The following TAFA2 variants were observed in gnomAD, a reference collection of about 807,000 sequenced individuals.
TAFA2 encodes the protein chemokine-like protein TAFA-2.
A neutral mutation model predicts 18.8 loss-of-function variants in TAFA2; 7 were observed. That is an observed-to-expected ratio of 0.37 (90% confidence interval 0.21 to 0.70). The LOEUF (loss-of-function observed/expected upper bound fraction) is 0.70, where lower values mean the gene tolerates loss of function less well. Ranked by LOEUF, TAFA2 falls within the 30% of genes least tolerant of loss-of-function variation. The probability of loss-of-function intolerance (pLI) is 0.53; values close to 1 mark genes in which losing one functional copy is unlikely to be tolerated. For synonymous variants in TAFA2, 60 were observed against 54.2 expected, an observed-to-expected ratio of 1.11 and a Z score of -0.47; for missense variants, 122 against 158.1, an observed-to-expected ratio of 0.77 and a Z score of 1.23.
chr12:61,775,960 G>A, intron 2 of TAFA2: 1 of 244,496 alleles, frequency 4.1e-6, no homozygotes, highest in East Asian at 1.0e-4. Context: ...GACACCTGAT[G>A]TATGTTTCCT....
At chr12:61,963,078 G>A (rs1197951097) in intron 1 of TAFA2, among the ~76,000 whole-genome samples, 1 of 151,994 alleles carries the variant, frequency 6.6e-6, no homozygotes, top group Admixed American at 6.6e-5. Context: ...TGGCTGCATA[G>A]TATTCCATGG....
chr12:62,031,665 GTA>G (rs1176818536), intron 1 of TAFA2, among the ~76,000 whole-genome samples: 1 of 151,974 alleles, frequency 6.6e-6, no homozygotes, highest in Non-Finnish European at 1.5e-5. Flanking sequence ...ACATTTACCT[GTA>G]TATATATACA....
intron 1 of TAFA2, among the ~76,000 whole-genome samples, chr12:61,968,568 G>A (rs1316703098): frequency 1.3e-5 from 2 of 151,686 alleles, no homozygotes; most frequent in Non-Finnish European, 2.9e-5. Flanking sequence ...ACACATTCAG[G>A]TCTGCTTTGC....
chr12:61,721,921 C>CTCAG (rs1869919388), intron 4 of TAFA2, among the ~76,000 whole-genome samples: 1 of 151,176 alleles, frequency 6.6e-6, no homozygotes, highest in Admixed American at 6.6e-5. Context: ...TGCCATTGCA[C>CTCAG]TCCAGCCTGG....
At chr12:62,125,815 G>C (rs1169876852) in intron 1 of TAFA2, among the ~76,000 whole-genome samples, 4 of 152,010 alleles carry the variant, frequency 2.6e-5, no homozygotes, top group African/African-American at 7.2e-5. Context: ...TAAACTTTTT[G>C]TTTGAGTCTT....
At chr12:62,163,855 T>C (rs1340398177) in intron 1 of TAFA2, among the ~76,000 whole-genome samples, 1 of 152,136 alleles carries the variant, frequency 6.6e-6, no homozygotes. Flanking sequence ...CCATCTGTAT[T>C]AACGTGTAGT....
In TAFA2 at chr12:61,920,748, GA is replaced by G. The variant is rs200002307; in HGVS notation, c.-1-53323del. 7.4e-3 allele frequency among the ~76,000 whole-genome samples: 1,112 copies of G among 149,544 alleles called. 16 individuals are homozygous for G. Among genetic ancestry groups the G allele is most frequent in the African/African-American group, 0.026 (1,054 of 40,824 alleles). On this transcript the variant is annotated intron_variant, in intron 1 of 4. Transcript: ENST00000416284. Reference sequence around the variant, plus strand: ...AGCCAAACAACCTAGGAGGGTAATGGAAAAAAAAATTCCTCCCCTATGCTAC... The same window carrying G: ...AGCCAAACAACCTAGGAGGGTAATGGAAAAAAAATTCCTCCCCTATGCTAC...
chr12:61,879,506 T>C, intron 1 of TAFA2: 1 of 699,746 alleles, frequency 1.4e-6, no homozygotes, highest in East Asian at 2.5e-5. Context: ...ATTGGAGGGA[T>C]CACTGCTGTC....
At chr12:61,758,071 G>A (rs1487427236) in intron 2 of TAFA2, among the ~76,000 whole-genome samples, 5 of 151,984 alleles carry the variant, frequency 3.3e-5, no homozygotes, top group East Asian at 1.9e-4. Flanking sequence ...CTGCCTCCCC[G>A]TAGCAGGCAC....
At chr12:61,739,914 G>T (rs566048349) in intron 4 of TAFA2, among the ~76,000 whole-genome samples, 1 of 152,122 alleles carries the variant, frequency 6.6e-6, no homozygotes, top group East Asian at 1.9e-4. Context: ...TTTCAAGATA[G>T]AATAAATGCA....
chr12:62,035,053 T>C (rs2136751132), intron 1 of TAFA2, among the ~76,000 whole-genome samples: 1 of 152,324 alleles, frequency 6.6e-6, no homozygotes, highest in South Asian at 2.1e-4. Flanking sequence ...TAGAACTATA[T>C]ATGATTAATA....
chr12:62,076,371 A>G (rs1868248725), intron 1 of TAFA2, among the ~76,000 whole-genome samples: 1 of 152,224 alleles, frequency 6.6e-6, no homozygotes, highest in Non-Finnish European at 1.5e-5. Context: ...ACAGAAGTTA[A>G]TTTAAAATAA....
At chr12:61,830,532 G>A (rs1308964723) in intron 2 of TAFA2, among the ~76,000 whole-genome samples, 1 of 151,776 alleles carries the variant, frequency 6.6e-6, no homozygotes, top group Non-Finnish European at 1.5e-5. Flanking sequence ...CTTATAAGTG[G>A]AAGCTAAATA....
intron 4 of TAFA2, 130 bp from the exon 5 acceptor site, chr12:61,710,547 T>A: frequency 1.5e-6 from 1 of 674,084 alleles, no homozygotes; most frequent in Non-Finnish European, 2.6e-6. Context: ...TACTTAATTT[T>A]AAAGGACTAA....
chr12:62,034,311 G>A (rs954325916), intron 1 of TAFA2, among the ~76,000 whole-genome samples: 1 of 152,114 alleles, frequency 6.6e-6, no homozygotes, highest in Non-Finnish European at 1.5e-5. Context: ...CCGCCTGGCA[G>A]ATAAACCATA....
At chr12:62,083,361 A>G (rs187976653) in intron 1 of TAFA2, among the ~76,000 whole-genome samples, 1 of 152,216 alleles carries the variant, frequency 6.6e-6, no homozygotes, top group Admixed American at 6.5e-5. Flanking sequence ...GTGTCTTCTC[A>G]GAAGAGAGTA....
At chr12:61,785,225 T>C (rs989242801) in intron 2 of TAFA2, among the ~76,000 whole-genome samples, 1 of 151,620 alleles carries the variant, frequency 6.6e-6, no homozygotes, top group Non-Finnish European at 1.5e-5. Flanking sequence ...TAACTTTCCG[T>C]TCCTGGCTGA....
chr12:62,126,762 C>T (rs973692135), intron 1 of TAFA2, among the ~76,000 whole-genome samples: 4 of 152,088 alleles, frequency 2.6e-5, no homozygotes, highest in Non-Finnish European at 5.9e-5. Context: ...CACAGAAGGA[C>T]AGAACCTTGG....
intron 1 of TAFA2, among the ~76,000 whole-genome samples, chr12:61,967,226 A>G (rs563976339): frequency 6.6e-6 from 1 of 151,902 alleles, no homozygotes; most frequent in African/African-American, 2.4e-5. Flanking sequence ...CAACCAAGAG[A>G]TACTGATTCA....
Sources: allele counts gnomAD v4.1 joint callset (sites outside exome capture counted in the v4.1 genomes callset), GRCh38; gene constraint gnomAD v4.1.1; transcripts MANE v1.5; gene names NCBI Gene and HGNC (gene_info 2026-07-23, HGNC 2026-07-21).